The following KRTAP29-1 variants were observed in gnomAD, a reference collection of about 807,000 sequenced individuals.
KRTAP29-1 encodes keratin-associated protein 29-1.
For synonymous variants in KRTAP29-1, 142 were observed against 153.6 expected, an observed-to-expected ratio of 0.92 and a Z score of 0.56; for missense variants, 419 against 412.1, an observed-to-expected ratio of 1.02 and a Z score of -0.14.
the KRTAP29-1 span, chr17:41,302,327 GATGGTTGGTA>G: frequency 9.4e-6 from 10 of 1,064,082 alleles, no homozygotes; most frequent in Non-Finnish European, 1.3e-5. Context: ...TAGCTGTACA[GATGGTTGGTA>G]GGCAAGAAGT....
At position 41,302,841 on chromosome 17, in the gene KRTAP29-1, C is replaced by T. The variant is rs2144194845; in HGVS notation, c.11G>A (p.Gly4Asp). The part of the protein sequence containing the change: MAD[G>D]CCPGNTTAIP... ...GGCTGTGGTGTTTCCAGGACAACAG[C>T]CGTCTGCCATGGTGCTGGTGCTGAC... Residue 4 changes from glycine to aspartate, a missense_variant, in exon 1 of 1, where the codon GGC (glycine) becomes GAC (aspartate). Gly to Asp is a moderately conservative substitution (Grantham distance 94). Coordinates refer to ENST00000391353, the MANE Select transcript of KRTAP29-1 (RefSeq NM_001257309.1). 1 of 1,546,706 alleles carries T rather than the reference C, an allele frequency of 6.5e-7. No homozygotes were observed. Among genetic ancestry groups the T allele is most frequent in the African/African-American group, 1.4e-5 (1 of 73,120 alleles).
In KRTAP29-1 at chr17:41,302,725, A is replaced by G; in HGVS notation, c.127T>C (p.Trp43Arg). ...CTTTCTTGGCATGTGACCAGTTGCC[A>G]CATTCTGCTGTGGCAGGAACTAGGC... is the stretch of plus-strand genomic sequence containing the variant. ...CLPSSCHSRM[W>R]QLVTCQESCQ... Residue 43 changes from tryptophan (W) to arginine (R), a missense_variant, in exon 1 of 1, where the codon TGG (tryptophan) becomes CGG (arginine). Trp to Arg is a moderately radical substitution (Grantham distance 101, BLOSUM62 -3). Transcript: ENST00000391353. 1 of 1,550,728 alleles carries G rather than the reference A, an allele frequency of 6.4e-7. No homozygotes were observed. The highest frequency in any genetic ancestry group is 8.7e-7 in the Non-Finnish European group (1 of 1,147,026).
chr17:41,302,210 C>T lies in KRTAP29-1; in HGVS notation c.642G>A (p.Lys214=), dbSNP rs1049581780. 79 of 1,550,278 alleles carry T rather than the reference C, an allele frequency of 5.1e-5. No homozygotes were observed. Among genetic ancestry groups the T allele is most frequent in the Non-Finnish European group, 6.0e-5 (69 of 1,146,972 alleles). ...TYYQPICYIF[K]PCQSALYMPV... is the part of the protein sequence containing the mutation. The stretch of plus-strand genomic sequence containing the variant: ...GCATGTAGAGGGCTGATTGGCAAGG[C>T]TTGAAAATATAGCAGATGGGTTGAT... Residue 214 remains lysine (K), a synonymous_variant, in exon 1 of 1, where the codon AAG becomes AAA. Transcript: ENST00000391353.
rs764014493 is a variant in KRTAP29-1, at chr17:41,302,051, G to A, written c.801C>T (p.Cys267=). ...AGTTCTTTGTGGAACAAGGGGCCTG[G>A]CAGTTAGCCACTGGCTGGTAGATGA... The part of the protein sequence containing the change: ...TCFIYQPVAN[C]QAPCSTKNCC... The change falls in exon 1 of 1, where the codon TGC becomes TGT. Residue 267 remains cysteine, a synonymous_variant. Coordinates refer to ENST00000391353, the MANE Select transcript of KRTAP29-1 (RefSeq NM_001257309.1). 2.6e-6 allele frequency: 4 copies of A among 1,550,626 alleles called. No individual in the cohort carries two copies. The highest frequency in any genetic ancestry group is 1.4e-5 in the African/African-American group (1 of 73,176).
At chr17:41,302,615 AC>A in the KRTAP29-1 span, 8 of 1,550,630 alleles carry the variant, frequency 5.2e-6, no homozygotes, top group South Asian at 5.9e-5. Flanking sequence ...GGCAAACAAA[AC>A]CCACACAAGA....
rs1296572201 is a variant in KRTAP29-1, at chr17:41,302,642, G to A, written c.210C>T (p.Thr70=). ...CCACACAAGACGTTGCTGGAAGGCG[G>A]GTAGGTTGACACGAAGCAGGATCAC... ...SGCDPASCQP[T]RLPATSCVGF... is the part of the protein sequence containing the mutation. The change falls in exon 1 of 1, where the codon ACC becomes ACT. Residue 70 remains threonine, a synonymous_variant. Transcript: ENST00000391353. 1.3e-6 allele frequency: 2 copies of A among 1,550,600 alleles called. No homozygotes were observed. Among genetic ancestry groups the A allele is most frequent in the East Asian group, 2.4e-5 (1 of 40,924 alleles).
chr17:41,302,137 T>C lies in KRTAP29-1; in HGVS notation c.715A>G (p.Thr239Ala), dbSNP rs1567650535. ...STCVFSSCNT[T>A]CCVPSHCQPP... ...TGGCAATGGGAAGGCACACAGCAAG[T>C]AGTATTGCAAGAACTGAACACACAA... is the stretch of plus-strand genomic sequence containing the variant. Residue 239 changes from threonine to alanine, a missense_variant, in exon 1 of 1, where the codon ACT becomes GCT. Physicochemically the swap from Thr to Ala is moderately conservative, Grantham distance 58. Coordinates refer to ENST00000391353, the MANE Select transcript of KRTAP29-1 (RefSeq NM_001257309.1). 3 of 1,550,594 alleles carry C rather than the reference T, an allele frequency of 1.9e-6. No individual in the cohort carries two copies. The highest frequency in any genetic ancestry group is 4.9e-5 in the East Asian group (2 of 40,926).
rs2016846826 is a variant in KRTAP29-1 at position 41,302,521 on chromosome 17, A to T, written c.331T>A (p.Ser111Thr). ...TTTTCCTGACAACAAGTAGATTCCG[A>T]GCAGGATGGCTGACATGAGCTAACC... ...CLVSSCQPSC[S>T]ESTCCQEKCC... The change falls in exon 1 of 1, where the codon TCG becomes ACG. Residue 111 changes from serine to threonine, a missense_variant. Coordinates refer to ENST00000391353, the MANE Select transcript of KRTAP29-1 (RefSeq NM_001257309.1). The T allele has an allele frequency of 6.4e-7, 1 of 1,550,452 alleles. No homozygotes were observed. The highest frequency in any genetic ancestry group is 2.0e-5 in the Admixed American group (1 of 50,976).
chr17:41,302,485 C>A lies in KRTAP29-1; in HGVS notation c.367G>T (p.Ala123Ser). 6.4e-7 allele frequency: 1 copy of A among 1,550,458 alleles called. No individual in the cohort carries two copies. The highest frequency in any genetic ancestry group is 8.7e-7 in the Non-Finnish European group (1 of 1,146,944). The change falls in exon 1 of 1, where the codon GCC becomes TCC. Residue 123 changes from alanine (A) to serine (S), a missense_variant. Coordinates refer to ENST00000391353, the MANE Select transcript of KRTAP29-1 (RefSeq NM_001257309.1). ...CAGGAGCTTTGCTGGCAGGGACTGG[C>A]ATCGCAGCACTTTTCCTGACAACAA... ...STCCQEKCCD[A>S]SPCQQSSCQE...
chr17:41,302,259 C>T lies in KRTAP29-1; in HGVS notation c.593G>A (p.Gly198Asp). 1.3e-6 allele frequency: 2 copies of T among 1,550,518 alleles called. No homozygotes were observed. The highest frequency in any genetic ancestry group is 2.4e-5 in the South Asian group (2 of 84,056). The change falls in exon 1 of 1, where the codon GGC becomes GAC. Residue 198 changes from glycine to aspartate, a missense_variant. Physicochemically the swap from Gly to Asp is moderately conservative, Grantham distance 94. Coordinates refer to ENST00000391353, the MANE Select transcript of KRTAP29-1 (RefSeq NM_001257309.1). The stretch of plus-strand genomic sequence containing the variant: ...ATAATAAGTTGATTTACAGGGCTGG[C>T]CTTCACCACTGACGGGTTGACATGA... ...GSSCQPVSGE[G>D]QPCKSTYYQP...
rs776030618 is a variant in KRTAP29-1 at position 41,302,799 on chromosome 17, G to C, written c.53C>G (p.Thr18Ser). ...ACCTTTAACTGGGTATGTGGTGATG[G>C]TGGGCACAGCTGGAATGGCTGTGGT... The part of the protein sequence containing the change: ...GNTTAIPAVP[T>S]ITTYPVKGGF... Residue 18 changes from threonine to serine, a missense_variant, in exon 1 of 1, where the codon ACC (threonine) becomes AGC (serine). Coordinates refer to ENST00000391353, the MANE Select transcript of KRTAP29-1 (RefSeq NM_001257309.1). The C allele has an allele frequency of 6.4e-7, 1 of 1,550,870 alleles. No homozygotes were observed. The highest frequency in any genetic ancestry group is 1.2e-5 in the South Asian group (1 of 84,064).
Position 41,302,507 on chromosome 17 carries a change from A to C in KRTAP29-1, c.345T>G (p.Cys115Trp). ...SCQPSCSEST[C>W]CQEKCCDASP... ...TGGCATCGCAGCACTTTTCCTGACA[A>C]CAAGTAGATTCCGAGCAGGATGGCT... The change falls in exon 1 of 1, where the codon TGT becomes TGG. Residue 115 changes from cysteine (C) to tryptophan (W), a missense_variant. Coordinates refer to ENST00000391353, the MANE Select transcript of KRTAP29-1 (RefSeq NM_001257309.1). 6.4e-7 allele frequency: 1 copy of C among 1,550,518 alleles called. No homozygotes were observed. The highest frequency in any genetic ancestry group is 8.7e-7 in the Non-Finnish European group (1 of 1,146,952).
At position 41,302,708 on chromosome 17, in the gene KRTAP29-1, G is replaced by A. The variant is rs201513010; in HGVS notation, c.144C>T (p.Cys48=). The change falls in exon 1 of 1, where the codon TGC becomes TGT. Residue 48 remains cysteine (C), a synonymous_variant. Transcript: ENST00000391353. ...CAATGGATGGCTGACAGCTTTCTTG[G>A]CATGTGACCAGTTGCCACATTCTGC... ...CHSRMWQLVT[C]QESCQPSIGA... The A allele has an allele frequency of 9.7e-6, 15 of 1,550,688 alleles. No homozygotes were observed. In the Middle Eastern group the frequency reaches 5.0e-4, roughly 52 times the overall value.
In KRTAP29-1 at chr17:41,302,626, ACGTTGCTGGAAGGCGGGT is replaced by A. The variant is rs1355233707; in HGVS notation, c.208_225del (p.Thr70_Thr75del). On this transcript the variant is annotated inframe_deletion, in exon 1 of 1. Transcript: ENST00000391353. ...GGTTGGCAAACAAAACCCACACAAGACGTTGCTGGAAGGCGGGTAGGTTGACACGAAGCAGGATCACAG... is the reference window on the plus strand; with the variant it reads ...GGTTGGCAAACAAAACCCACACAAGAAGGTTGACACGAAGCAGGATCACAG... The A allele has an allele frequency of 1.5e-5, 23 of 1,550,622 alleles. No homozygotes were observed. Among genetic ancestry groups the A allele is most frequent in the Non-Finnish European group, 8.7e-7 (1 of 1,146,994 alleles).
the KRTAP29-1 span, chr17:41,302,473 G>A: frequency 1.3e-6 from 2 of 1,550,526 alleles, no homozygotes; most frequent in Non-Finnish European, 1.7e-6. Flanking sequence ...GAGCTTTGCT[G>A]GCAGGGACTG....
In KRTAP29-1 at chr17:41,302,662, G is replaced by T; in HGVS notation, c.190C>A (p.Pro64Thr). ...AGGCGGGTAGGTTGACACGAAGCAGGATCACAGCCACTTGGGGCACCAATG... is the reference window on the plus strand; with the variant it reads ...AGGCGGGTAGGTTGACACGAAGCAGTATCACAGCCACTTGGGGCACCAATG... Reference protein sequence around the residue: ...PSIGAPSGCDPASCQPTRLPA... With the variant: ...PSIGAPSGCDTASCQPTRLPA... Residue 64 changes from proline to threonine, a missense_variant, in exon 1 of 1, where the codon CCT becomes ACT. Coordinates refer to ENST00000391353, the MANE Select transcript of KRTAP29-1 (RefSeq NM_001257309.1). The T allele has an allele frequency of 6.4e-7, 1 of 1,550,650 alleles. No individual in the cohort carries two copies. The highest frequency in any genetic ancestry group is 8.7e-7 in the Non-Finnish European group (1 of 1,147,002).
At chr17:41,302,476 AG>A in the KRTAP29-1 span, 21 of 1,550,406 alleles carry the variant, frequency 1.4e-5, no homozygotes, top group Non-Finnish European at 1.8e-5. Context: ...CTTTGCTGGC[AG>A]GGACTGGCAT....
In KRTAP29-1 at chr17:41,302,654, C is replaced by G. The variant is rs368054206; in HGVS notation, c.198G>C (p.Ser66=). The change falls in exon 1 of 1, where the codon TCG becomes TCC. Residue 66 remains serine (S), a synonymous_variant. Transcript: ENST00000391353. ...TTGCTGGAAGGCGGGTAGGTTGACA[C>G]GAAGCAGGATCACAGCCACTTGGGG... ...IGAPSGCDPA[S]CQPTRLPATS... 27 of 1,550,628 alleles carry G rather than the reference C, an allele frequency of 1.7e-5. No individual in the cohort carries two copies. The African/African-American group carries it at 2.7e-4, about 16-fold the overall frequency.
Position 41,302,761 on chromosome 17 carries a change from C to T in KRTAP29-1, c.91G>A (p.Ala31Thr), listed in dbSNP as rs1242541798. The change falls in exon 1 of 1, where the codon GCT becomes ACT. Residue 31 changes from alanine (A) to threonine (T), a missense_variant. By Grantham distance (58) the Ala-to-Thr change is moderately conservative. Coordinates refer to ENST00000391353, the MANE Select transcript of KRTAP29-1 (RefSeq NM_001257309.1). ...TYPVKGGFRH[A>T]LCLPSSCHSR... Reference sequence around the variant, plus strand: ...TGGCAGGAACTAGGCAAACAGAGAGCATGTCGAAATCCACCTTTAACTGGG... The same window carrying T: ...TGGCAGGAACTAGGCAAACAGAGAGTATGTCGAAATCCACCTTTAACTGGG... The T allele has an allele frequency of 1.3e-6, 2 of 1,550,718 alleles. No individual in the cohort carries two copies. The highest frequency in any genetic ancestry group is 1.7e-6 in the Non-Finnish European group (2 of 1,147,026).
Sources: allele counts gnomAD v4.1 joint callset, GRCh38; gene constraint gnomAD v4.1.1; transcripts MANE v1.5; gene names NCBI Gene and HGNC (gene_info 2026-07-23, HGNC 2026-07-21).